Variants in PPP2R2B observed in about 807,000 individuals in gnomAD.
The protein encoded by PPP2R2B is protein phosphatase 2 regulatory subunit Bbeta, also known as serine/threonine-protein phosphatase 2A 55 kDa regulatory subunit B beta isoform.
A neutral mutation model predicts 46.0 loss-of-function variants in PPP2R2B; 5 were observed. The ratio of observed to expected loss-of-function variants is 0.11; its 90% CI spans 0.06 to 0.23. The LOEUF (loss-of-function observed/expected upper bound fraction) is 0.23, where lower values mean the gene tolerates loss of function less well. PPP2R2B is among the 10% of genes least tolerant of loss of function. The probability of loss-of-function intolerance (pLI) is 1.00; values close to 1 mark genes in which losing one functional copy is unlikely to be tolerated. For synonymous variants in PPP2R2B, 215 were observed against 206.7 expected (o/e 1.04, Z -0.34); for missense variants, 367 against 575.0 (o/e 0.64, Z 3.70).
chr5:147,036,381 T>A (rs1756036668), intron 1 of PPP2R2B, among the ~76,000 whole-genome samples: 1 of 152,208 alleles, frequency 6.6e-6, no homozygotes, highest in African/African-American at 2.4e-5. Flanking sequence ...TTCCATGGTG[T>A]CTATGTACCA....
chr5:146,911,234 C>T (rs1037758114), intron 1 of PPP2R2B, among the ~76,000 whole-genome samples: 5 of 152,088 alleles, frequency 3.3e-5, no homozygotes, highest in African/African-American at 1.2e-4. Context: ...CAGGTGCACA[C>T]CACCATGTCC....
At chr5:146,667,319 T>G (rs1777047081) in intron 5 of PPP2R2B, among the ~76,000 whole-genome samples, 1 of 103,226 alleles carries the variant, frequency 9.7e-6, no homozygotes, top group Non-Finnish European at 2.0e-5. Context: ...ACAGCAGGAA[T>G]AGGCGTGCGC....
At chr5:146,863,658 A>G (rs192462971) in intron 2 of PPP2R2B, among the ~76,000 whole-genome samples, 6 of 151,858 alleles carry the variant, frequency 4.0e-5, no homozygotes, top group African/African-American at 1.4e-4. Flanking sequence ...CCATCCATCC[A>G]TCCATCCATC....
chr5:146,827,381 G>C (rs887013959), intron 2 of PPP2R2B, among the ~76,000 whole-genome samples: 4 of 152,130 alleles, frequency 2.6e-5, no homozygotes, highest in Non-Finnish European at 5.9e-5. Context: ...TCAAGGCATA[G>C]AGTAAGGTAA....
intron 7 of PPP2R2B, 118 bp from the exon 8 acceptor site, chr5:146,600,578 T>C (rs1255527568): frequency 1.0e-6 from 1 of 979,002 alleles, no homozygotes; most frequent in African/African-American, 1.6e-5. Flanking sequence ...GGCTGGTGTC[T>C]GCAGAATGTA....
intron 1 of PPP2R2B, among the ~76,000 whole-genome samples, chr5:146,937,240 G>T (rs563508996): frequency 6.6e-6 from 1 of 151,978 alleles, no homozygotes; most frequent in Non-Finnish European, 1.5e-5. Context: ...GGCAGAACTT[G>T]CAGTGAGCCG....
intron 2 of PPP2R2B, among the ~76,000 whole-genome samples, chr5:146,836,231 GA>G (rs1159593465): frequency 1.3e-5 from 2 of 151,942 alleles, no homozygotes; most frequent in South Asian, 4.2e-4. Context: ...TCCAATGTTT[GA>G]AAAAAATTCT....
At chr5:146,696,324 T>C (rs933041318) in intron 4 of PPP2R2B, among the ~76,000 whole-genome samples, 2 of 152,194 alleles carry the variant, frequency 1.3e-5, no homozygotes, top group African/African-American at 4.8e-5. Context: ...CAGGATGGTC[T>C]CGATCTCCTG....
At chr5:146,592,761 G>T (rs2151002383) in intron 9 of PPP2R2B, among the ~76,000 whole-genome samples, 1 of 152,330 alleles carries the variant, frequency 6.6e-6, no homozygotes. Flanking sequence ...ATCTGTGCCA[G>T]TTCAGAAACA....
chr5:146,634,178 T>C (rs1164949919), intron 7 of PPP2R2B, among the ~76,000 whole-genome samples: 1 of 152,062 alleles, frequency 6.6e-6, no homozygotes, highest in Non-Finnish European at 1.5e-5. Context: ...ATCTCATCAG[T>C]TGAAGGCCTG....
rs1774432471 is a variant in PPP2R2B at position 146,631,676 on chromosome 5, T to G, written c.790+6575A>C. Among the ~76,000 whole-genome samples, 6 of 152,310 alleles carry G rather than the reference T, an allele frequency of 3.9e-5. No individual in the cohort carries two copies. The South Asian group carries it at 1.2e-3, about 32-fold the overall frequency. On this transcript the variant is annotated intron_variant, in intron 7 of 9. Coordinates refer to ENST00000394411, the MANE Select transcript of PPP2R2B (RefSeq NM_181675.4). ...CTCTAAAATCAATTAAAGTCTGCTT[T>G]GTTCAGAAAGAAAGTGTTCTAGCTC...
At chr5:146,739,028 T>C (rs2151217774) in intron 2 of PPP2R2B, among the ~76,000 whole-genome samples, 2 of 151,654 alleles carry the variant, frequency 1.3e-5, no homozygotes, top group Admixed American at 1.3e-4. Flanking sequence ...TGCACCTATT[T>C]TTTTTTTAAG....
chr5:147,065,551 A>G (rs1487980445), intron 2 of PPP2R2B, among the ~76,000 whole-genome samples: 1 of 152,124 alleles, frequency 6.6e-6, no homozygotes, highest in East Asian at 1.9e-4. Context: ...TGGTCAAGAC[A>G]ATAAGGAGAG....
intron 8 of PPP2R2B, among the ~76,000 whole-genome samples, chr5:146,598,791 T>C (rs906005869): frequency 1.3e-5 from 2 of 152,180 alleles, no homozygotes; most frequent in Non-Finnish European, 2.9e-5. Flanking sequence ...CTATTGCCGC[T>C]TGCCAGAATG....
At chr5:146,743,463 G>A (rs766045225) in intron 2 of PPP2R2B, among the ~76,000 whole-genome samples, 34 of 152,120 alleles carry the variant, frequency 2.2e-4, no homozygotes, top group Non-Finnish European at 4.3e-4. Context: ...AGAAGGAAAA[G>A]GTGAGGTGGC....
At chr5:146,763,087 G>T (rs1754263446) in intron 2 of PPP2R2B, among the ~76,000 whole-genome samples, 1 of 152,150 alleles carries the variant, frequency 6.6e-6, no homozygotes, top group African/African-American at 2.4e-5. Context: ...ATAACAAAGT[G>T]GAGAGGAGAG....
intron 2 of PPP2R2B, among the ~76,000 whole-genome samples, chr5:146,848,724 A>G: frequency 6.6e-6 from 1 of 152,158 alleles, no homozygotes. Flanking sequence ...TGTACTCTGC[A>G]CCCTTAGAAA....
At chr5:146,656,382 CTTT>C (rs567057677) in intron 5 of PPP2R2B, 5 of 144,812 alleles carry the variant, frequency 3.5e-5, no homozygotes, top group Non-Finnish European at 4.5e-5. Context: ...TAGCAAAGAG[CTTT>C]TTTTTTTTTT....
At chr5:146,627,942 A>T (rs751112372) in intron 7 of PPP2R2B, among the ~76,000 whole-genome samples, 1 of 150,924 alleles carries the variant, frequency 6.6e-6, no homozygotes. Flanking sequence ...TCACAGAAAC[A>T]TCTCAGATTT....
Sources: allele counts gnomAD v4.1 joint callset (sites outside exome capture counted in the v4.1 genomes callset), GRCh38; gene constraint gnomAD v4.1.1; transcripts MANE v1.5; gene names NCBI Gene and HGNC (gene_info 2026-07-23, HGNC 2026-07-21).